Variants in FBXO4 observed in about 807,000 individuals in gnomAD.
FBXO4 encodes the protein F-box only protein 4.
A neutral mutation model predicts 43.7 loss-of-function variants in FBXO4; 36 were observed. The observed-to-expected ratio is 0.82, with a 90% CI of 0.63 to 1.09. FBXO4 has a LOEUF of 1.09. Ranked by LOEUF, FBXO4 falls within the 50% of genes least tolerant of loss-of-function variation. The pLI is 0.00. For missense variants in FBXO4, 435 were observed against 474.1 expected, an observed-to-expected ratio of 0.92 and a Z score of 0.77; for synonymous variants, 180 against 165.6, an observed-to-expected ratio of 1.09 and a Z score of -0.67.
chr5:42,005,230 C>T, the FBXO4 span, among the ~76,000 whole-genome samples: 2 of 152,126 alleles, frequency 1.3e-5, no homozygotes, highest in Non-Finnish European at 2.9e-5. Flanking sequence ...GAAGCTCTTT[C>T]TAAGAAATTG....
chr5:41,925,872 C>G (rs1030798921), intron 1 of FBXO4, among the ~76,000 whole-genome samples: 4 of 152,218 alleles, frequency 2.6e-5, no homozygotes, highest in African/African-American at 9.6e-5. Flanking sequence ...AGCATTCCAG[C>G]GTCCCTGTTC....
At chr5:41,986,592 G>A in the FBXO4 span, among the ~76,000 whole-genome samples, 1 of 152,056 alleles carries the variant, frequency 6.6e-6, no homozygotes. Context: ...TAAACACAGA[G>A]GGCACTTCAA....
At chr5:41,971,613 C>A in the FBXO4 span, among the ~76,000 whole-genome samples, 4 of 152,058 alleles carry the variant, frequency 2.6e-5, no homozygotes, top group Admixed American at 6.5e-5. Context: ...CATAAATCAT[C>A]TAGTGTCCTC....
chr5:42,039,799 A>G, the FBXO4 span, among the ~76,000 whole-genome samples: 1 of 152,152 alleles, frequency 6.6e-6, no homozygotes, highest in Admixed American at 6.6e-5. Context: ...ATTAATAAAA[A>G]TGGAGATTAT....
At chr5:41,995,671 A>T in the FBXO4 span, among the ~76,000 whole-genome samples, 1 of 152,162 alleles carries the variant, frequency 6.6e-6, no homozygotes, top group Non-Finnish European at 1.5e-5. Context: ...GAGGTCACCC[A>T]TTGATGAGTA....
chr5:42,003,043 G>A, the FBXO4 span, among the ~76,000 whole-genome samples: 4 of 152,048 alleles, frequency 2.6e-5, no homozygotes, highest in Non-Finnish European at 4.4e-5. Context: ...TTTTTGTAAC[G>A]TAACCTGCTT....
the FBXO4 span, among the ~76,000 whole-genome samples, chr5:42,031,512 T>C: frequency 2.0e-5 from 3 of 150,782 alleles, no homozygotes; most frequent in Admixed American, 2.0e-4. Flanking sequence ...TAATGCTAAA[T>C]GACGAGTTAA....
At chr5:41,988,664 T>A in the FBXO4 span, among the ~76,000 whole-genome samples, 1 of 152,208 alleles carries the variant, frequency 6.6e-6, no homozygotes, top group Non-Finnish European at 1.5e-5. Flanking sequence ...ATGAGCTCTG[T>A]GATTCTCTTT....
the FBXO4 span, among the ~76,000 whole-genome samples, chr5:42,001,835 G>A: frequency 3.0e-4 from 46 of 151,856 alleles, no homozygotes; most frequent in African/African-American, 1.0e-3. Context: ...GGACTACAGC[G>A]CCACCTTGGC....
the FBXO4 span, among the ~76,000 whole-genome samples, chr5:42,015,627 G>T: frequency 6.6e-6 from 1 of 152,052 alleles, no homozygotes; most frequent in Non-Finnish European, 1.5e-5. Flanking sequence ...ACAGTCAGAG[G>T]CTGAGAAGAA....
At chr5:41,958,565 C>T in the FBXO4 span, among the ~76,000 whole-genome samples, 2 of 152,124 alleles carry the variant, frequency 1.3e-5, no homozygotes, top group African/African-American at 4.8e-5. Context: ...CTCACCATCC[C>T]CCTTCTTCTG....
the FBXO4 span, among the ~76,000 whole-genome samples, chr5:42,035,447 T>C: frequency 6.6e-6 from 1 of 152,176 alleles, no homozygotes; most frequent in East Asian, 1.9e-4. Flanking sequence ...TTATGACCAA[T>C]CTTATCAGAA....
chr5:41,992,874 A>G, the FBXO4 span, among the ~76,000 whole-genome samples: 1 of 152,194 alleles, frequency 6.6e-6, no homozygotes, highest in Non-Finnish European at 1.5e-5. Flanking sequence ...ACTTCTAGTT[A>G]TAGTATTCTA....
At chr5:42,011,933 G>A in the FBXO4 span, among the ~76,000 whole-genome samples, 3 of 152,118 alleles carry the variant, frequency 2.0e-5, no homozygotes, top group Non-Finnish European at 4.4e-5. Flanking sequence ...TGGATGTGAA[G>A]CAATTAGATA....
At chr5:41,978,801 G>A in the FBXO4 span, among the ~76,000 whole-genome samples, 1 of 151,422 alleles carries the variant, frequency 6.6e-6, no homozygotes, top group Non-Finnish European at 1.5e-5. Flanking sequence ...TTAAATTTGT[G>A]GACTTTGACC....
the FBXO4 span, among the ~76,000 whole-genome samples, chr5:41,996,275 C>G: frequency 8.5e-5 from 13 of 152,208 alleles, no homozygotes; most frequent in South Asian, 2.7e-3. Context: ...CAGAAAGCAC[C>G]CAGTTCATGA....
At chr5:42,024,656 T>G in the FBXO4 span, among the ~76,000 whole-genome samples, 1 of 152,158 alleles carries the variant, frequency 6.6e-6, no homozygotes, top group East Asian at 1.9e-4. Context: ...TCATTCTTTA[T>G]AAATATTTTG....
downstream of FBXO4, among the ~76,000 whole-genome samples, chr5:41,946,712 A>T (rs1752081588): frequency 6.6e-6 from 1 of 152,224 alleles, no homozygotes; most frequent in Non-Finnish European, 1.5e-5. Flanking sequence ...AAAAAACAAA[A>T]ACAAGAAGTC....
chr5:42,028,842 T>C, the FBXO4 span, among the ~76,000 whole-genome samples: 1 of 151,944 alleles, frequency 6.6e-6, no homozygotes, highest in Admixed American at 6.6e-5. Context: ...GCCTTAACTT[T>C]GTCTCCCGCT....
Sources: allele counts gnomAD v4.1 joint callset (sites outside exome capture counted in the v4.1 genomes callset), GRCh38; gene constraint gnomAD v4.1.1; transcripts MANE v1.5; gene names NCBI Gene and HGNC (gene_info 2026-07-23, HGNC 2026-07-21).